FHIP1A: variants seen among roughly 807,000 people sequenced by gnomAD.
FHIP1A encodes the protein FHF complex subunit HOOK interacting protein 1A.
FHIP1A carries 61 observed loss-of-function variants against 88.6 expected under a neutral mutation model. The ratio of observed to expected loss-of-function variants is 0.69; its 90% CI spans 0.56 to 0.85. FHIP1A has a LOEUF of 0.85. FHIP1A is among the 40% of genes least tolerant of loss of function. The pLI is 0.00. For missense variants in FHIP1A, 1,154 were observed against 1,273.5 expected (o/e 0.91, Z 1.43); for synonymous variants, 478 against 496.0 (o/e 0.96, Z 0.48).
intron 3 of FHIP1A, among the ~76,000 whole-genome samples, chr4:151,523,276 A>C (rs935975550): frequency 6.6e-6 from 1 of 152,144 alleles, no homozygotes. Context: ...ATTCTTTTCT[A>C]TTAAAAGGCT....
At chr4:151,573,281 CACACACACACACAT>C (rs1200626290) in intron 4 of FHIP1A, among the ~76,000 whole-genome samples, 67 of 152,010 alleles carry the variant, frequency 4.4e-4, no homozygotes, top group African/African-American at 1.5e-3. Context: ...AACACACACA[CACACACACACACAT>C]ACACACACAC....
intron 7 of FHIP1A, among the ~76,000 whole-genome samples, chr4:151,608,480 C>A (rs1735170253): frequency 6.6e-6 from 1 of 152,218 alleles, no homozygotes; most frequent in Non-Finnish European, 1.5e-5. Context: ...TACTGGGGAA[C>A]TTCTTCATTG....
intron 1 of FHIP1A, among the ~76,000 whole-genome samples, chr4:151,431,003 T>C (rs1012447936): frequency 6.6e-6 from 1 of 152,152 alleles, no homozygotes; most frequent in Non-Finnish European, 1.5e-5. Flanking sequence ...ACTGCTTCAG[T>C]GCTGACTATA....
At chr4:151,538,641 G>A (rs1485607237) in intron 3 of FHIP1A, among the ~76,000 whole-genome samples, 8 of 152,156 alleles carry the variant, frequency 5.3e-5, no homozygotes, top group Non-Finnish European at 1.0e-4. Context: ...CTGCAAAAGC[G>A]CATACCTCCT....
At chr4:151,649,142 C>G (rs1736903565) in intron 10 of FHIP1A, among the ~76,000 whole-genome samples, 1 of 152,154 alleles carries the variant, frequency 6.6e-6, no homozygotes, top group Admixed American at 6.5e-5. Flanking sequence ...CTAATTTAAT[C>G]CTCTCAACAA....
intron 1 of FHIP1A, among the ~76,000 whole-genome samples, chr4:151,416,900 C>T (rs565951098): frequency 5.9e-5 from 9 of 152,222 alleles, no homozygotes; most frequent in Admixed American, 5.9e-4. Flanking sequence ...TCTCCCACCT[C>T]AGTCTCCTGA....
At chr4:151,493,842 C>T (rs1730369125) in intron 3 of FHIP1A, among the ~76,000 whole-genome samples, 1 of 152,136 alleles carries the variant, frequency 6.6e-6, no homozygotes, top group Non-Finnish European at 1.5e-5. Context: ...TAAAAGCTGT[C>T]TATAACAAAC....
chr4:151,564,621 C>G (rs528132646), intron 3 of FHIP1A, among the ~76,000 whole-genome samples: 2 of 152,242 alleles, frequency 1.3e-5, no homozygotes, highest in South Asian at 2.1e-4. Context: ...CCACTGAAAA[C>G]AAGTTTGTAG....
intron 3 of FHIP1A, among the ~76,000 whole-genome samples, chr4:151,489,860 A>G (rs1331649272): frequency 6.6e-6 from 1 of 151,906 alleles, no homozygotes; most frequent in African/African-American, 2.4e-5. Context: ...CCCTGTCCCC[A>G]CCTGATGTTT....
chr4:151,451,812 TTTC>T (rs1379276165), intron 1 of FHIP1A, among the ~76,000 whole-genome samples: 1 of 150,502 alleles, frequency 6.6e-6, no homozygotes, highest in African/African-American at 2.4e-5. Context: ...CTTTCTTTTT[TTTC>T]TTTCTTTCTT....
chr4:151,464,544 C>T (rs1300683481), intron 2 of FHIP1A, among the ~76,000 whole-genome samples: 1 of 152,102 alleles, frequency 6.6e-6, no homozygotes, highest in Non-Finnish European at 1.5e-5. Flanking sequence ...CTTCTAGCAC[C>T]GTTTAGCACC....
chr4:151,526,233 C>T (rs556109889), intron 3 of FHIP1A, among the ~76,000 whole-genome samples: 4 of 152,318 alleles, frequency 2.6e-5, no homozygotes, highest in South Asian at 2.1e-4. Flanking sequence ...TCCACAAAAC[C>T]GCCATTGTCA....
At chr4:151,617,906 TC>T (rs1415401692) in intron 7 of FHIP1A, among the ~76,000 whole-genome samples, 1 of 151,966 alleles carries the variant, frequency 6.6e-6, no homozygotes, top group Admixed American at 6.6e-5. Flanking sequence ...AAAAGTGTAT[TC>T]ATCTGTTAGG....
intron 2 of FHIP1A, among the ~76,000 whole-genome samples, chr4:151,470,675 T>C (rs977061833): frequency 2.0e-5 from 3 of 152,196 alleles, no homozygotes; most frequent in Admixed American, 6.5e-5. Flanking sequence ...TTAGGGTTTG[T>C]ATAATACAAT....
chr4:151,500,258 C>T (rs1204088726), intron 3 of FHIP1A, among the ~76,000 whole-genome samples: 1 of 151,958 alleles, frequency 6.6e-6, no homozygotes, highest in African/African-American at 2.4e-5. Flanking sequence ...GACTTTATGG[C>T]CACTCTTTAA....
chr4:151,638,480 T>C (rs986676496), intron 8 of FHIP1A, among the ~76,000 whole-genome samples, 197 bp from the exon 9 acceptor site: 1 of 151,948 alleles, frequency 6.6e-6, no homozygotes, highest in Non-Finnish European at 1.5e-5. Flanking sequence ...TTCCAGACAC[T>C]GGCTTTCTAA....
At chr4:151,545,366 C>CTTTT in intron 3 of FHIP1A, among the ~76,000 whole-genome samples, 1 of 122,476 alleles carries the variant, frequency 8.2e-6, no homozygotes, top group Non-Finnish European at 1.7e-5. Flanking sequence ...TTTCCTTATC[C>CTTTT]TTCTTTTTTT....
At chr4:151,610,214 T>C (rs1191396619) in intron 7 of FHIP1A, among the ~76,000 whole-genome samples, 1 of 152,206 alleles carries the variant, frequency 6.6e-6, no homozygotes, top group Non-Finnish European at 1.5e-5. Flanking sequence ...AGTAAATGAG[T>C]TGATACTTTA....
chr4:151,649,901 G>A lies in FHIP1A; in HGVS notation c.1860G>A (p.Met620Ile). 1 of 1,551,568 alleles carries A rather than the reference G, an allele frequency of 6.4e-7. No individual in the cohort carries two copies. The highest frequency in any genetic ancestry group is 8.7e-7 in the Non-Finnish European group (1 of 1,146,960). ...PIDPPKHIQE[M>I]KKNALLLFKG... The stretch of plus-strand genomic sequence containing the variant: ...ATCCCCCCAAACACATCCAGGAGAT[G>A]AAGAAGAATGCCCTCCTGCTCTTCA... Residue 620 changes from methionine to isoleucine, a missense_variant, in exon 11 of 14, where the codon ATG (methionine) becomes ATA (isoleucine). By Grantham distance (10) the Met-to-Ile change is conservative. Transcript: ENST00000435205.
Sources: allele counts gnomAD v4.1 joint callset (sites outside exome capture counted in the v4.1 genomes callset), GRCh38; gene constraint gnomAD v4.1.1; transcripts MANE v1.5; gene names NCBI Gene and HGNC (gene_info 2026-07-23, HGNC 2026-07-21).